RELL1: variants seen among roughly 807,000 people sequenced by gnomAD.
The protein encoded by RELL1 is RELT-like protein 1.
A neutral mutation model predicts 23.0 loss-of-function variants in RELL1; 10 were observed. That is an observed-to-expected ratio of 0.43 (90% CI 0.27 to 0.74). The LOEUF is 0.74. Ranked by LOEUF, RELL1 falls within the 30% of genes least tolerant of loss-of-function variation. The pLI is 0.19. For missense variants in RELL1, 315 were observed against 364.4 expected (o/e 0.86, Z 1.10); for synonymous variants, 146 against 146.8 (o/e 0.99, Z 0.04).
At chr4:37,604,887 A>G in intron 6 of RELL1, among the ~76,000 whole-genome samples, 1 of 85,154 alleles carries the variant, frequency 1.2e-5, no homozygotes, top group Non-Finnish European at 2.3e-5. Context: ...ACATACACAC[A>G]GACACACACA....
At chr4:37,660,674 G>A (rs1241450752) in intron 1 of RELL1, among the ~76,000 whole-genome samples, 2 of 152,188 alleles carry the variant, frequency 1.3e-5, no homozygotes, top group Non-Finnish European at 2.9e-5. Flanking sequence ...GTTTCCGACT[G>A]TCACAACTCT....
At chr4:37,630,381 T>TC (rs1327549080) in intron 6 of RELL1, among the ~76,000 whole-genome samples, 2 of 146,736 alleles carry the variant, frequency 1.4e-5, no homozygotes, top group African/African-American at 5.1e-5. Context: ...TTTTTTTTTT[T>TC]TGAGACCGAG....
chr4:37,670,239 A>G (rs962691243), intron 1 of RELL1, among the ~76,000 whole-genome samples: 2 of 151,870 alleles, frequency 1.3e-5, no homozygotes, highest in Admixed American at 1.3e-4. Flanking sequence ...AGTAACAGTC[A>G]ATGAGGAGCC....
At chr4:37,659,771 C>T (rs763882488) in intron 1 of RELL1, among the ~76,000 whole-genome samples, 10 of 152,060 alleles carry the variant, frequency 6.6e-5, no homozygotes, top group Non-Finnish European at 1.5e-4. Flanking sequence ...GATGAAGACA[C>T]GAGCCCATCC....
At chr4:37,649,233 A>T in intron 2 of RELL1, 43 bp downstream of exon 2, 1 of 1,483,532 alleles carries the variant, frequency 6.7e-7, no homozygotes, top group Non-Finnish European at 9.3e-7. Context: ...CATATTTAAA[A>T]ACTGTCTCCT....
chr4:37,646,948 C>T (rs1720729121), intron 3 of RELL1, among the ~76,000 whole-genome samples: 1 of 152,090 alleles, frequency 6.6e-6, no homozygotes, highest in Non-Finnish European at 1.5e-5. Flanking sequence ...TGGTCTTGAA[C>T]TCCTGGCCTC....
At chr4:37,670,979 G>A (rs1159046364) in intron 1 of RELL1, among the ~76,000 whole-genome samples, 1 of 152,114 alleles carries the variant, frequency 6.6e-6, no homozygotes, top group Non-Finnish European at 1.5e-5. Flanking sequence ...ATTATGAGTT[G>A]GTTTTTCCCA....
rs1245078277 is a variant in RELL1 at position 37,635,110 on chromosome 4, T to C, written c.457A>G (p.Ser153Gly). ...LYDPESPVTP[S>G]TPGSPPVSPG... ...CTCACTGGCGGGCTCCCTGGTGTGC[T>C]GGGGGTCACGGGGCTAATGTGGGGA... Residue 153 changes from serine (S) to glycine (G), a missense_variant, in exon 5 of 7, where the codon AGC (serine) becomes GGC (glycine). Transcript: ENST00000454158. 2.5e-6 allele frequency: 4 copies of C among 1,613,732 alleles called. No individual in the cohort carries two copies. Among genetic ancestry groups the C allele is most frequent in the Non-Finnish European group, 3.4e-6 (4 of 1,179,926 alleles).
intron 1 of RELL1, among the ~76,000 whole-genome samples, chr4:37,678,227 C>T (rs1037401071): frequency 9.9e-5 from 15 of 152,150 alleles, no homozygotes; most frequent in Admixed American, 7.2e-4. Flanking sequence ...CACTCACTAT[C>T]GTGAGGGCAG....
At position 37,612,331 on chromosome 4, in the gene RELL1, AAAAAAAAC is replaced by A. The variant is rs1166278535; in HGVS notation, c.*1007_*1014del. On this transcript the variant is annotated 3_prime_UTR_variant, in exon 7 of 7. Transcript: ENST00000454158. The stretch of plus-strand genomic sequence containing the variant: ...TCGCTCAGCTAAAGGTTAAAAAAAA[AAAAAAAAC>A]AAAAAAAAACAAAAAACCGGGTGCA... Among the ~76,000 whole-genome samples the A allele has an allele frequency of 2.5e-4, 6 of 24,198 alleles. No homozygotes were observed. The highest frequency in any genetic ancestry group is 3.6e-4 in the African/African-American group (5 of 13,700). The allele number at this position is 24,198 out of a possible 152,430, so 15.9% of individuals were successfully genotyped here.
chr4:37,669,763 T>C (rs1053194590), intron 1 of RELL1, among the ~76,000 whole-genome samples: 6 of 152,222 alleles, frequency 3.9e-5, no homozygotes, highest in Non-Finnish European at 5.9e-5. Context: ...CTCTGCAACA[T>C]GTGCTGTGTC....
chr4:37,600,780 C>CGTGTGCGTGT (rs1718994993), intron 6 of RELL1, among the ~76,000 whole-genome samples: 1 of 147,568 alleles, frequency 6.8e-6, no homozygotes, highest in African/African-American at 2.5e-5. Flanking sequence ...TGGATTTGTG[C>CGTGTGCGTGT]GTGTGTGTGT....
At chr4:37,668,413 T>C (rs1442360496) in intron 1 of RELL1, among the ~76,000 whole-genome samples, 6 of 152,178 alleles carry the variant, frequency 3.9e-5, no homozygotes, top group Non-Finnish European at 8.8e-5. Context: ...AGACGGGGTT[T>C]CGCTGTGTTG....
chr4:37,669,651 G>A (rs1176922062), intron 1 of RELL1, among the ~76,000 whole-genome samples: 11 of 152,210 alleles, frequency 7.2e-5, no homozygotes, highest in African/African-American at 4.8e-5. Context: ...TGTAGAAAGA[G>A]GTAGACATGG....
chr4:37,624,224 G>A (rs1719863228), intron 6 of RELL1, among the ~76,000 whole-genome samples: 2 of 152,184 alleles, frequency 1.3e-5, no homozygotes, highest in South Asian at 4.1e-4. Context: ...TTGACAAAGA[G>A]GAGACTTTTA....
chr4:37,679,972 C>T lies in RELL1; in HGVS notation c.88+6228G>A, dbSNP rs116158141. On this transcript the variant is annotated intron_variant, in intron 1 of 6. Coordinates refer to ENST00000454158, the MANE Select transcript of RELL1 (RefSeq NM_001085400.2). The stretch of plus-strand genomic sequence containing the variant: ...ATCTCAAAAAAAAAATTAAAAACCT[C>T]ACATTAGTTCAAGTTAAGTTTTACA... Among the ~76,000 whole-genome samples, 451 of 152,120 alleles carry T rather than the reference C, an allele frequency of 3.0e-3. 3 individuals carry two copies. The highest frequency in any genetic ancestry group is 0.01 in the African/African-American group (428 of 41,510).
intron 3 of RELL1, among the ~76,000 whole-genome samples, chr4:37,643,523 A>T (rs1393726814): frequency 6.6e-6 from 1 of 152,204 alleles, no homozygotes; most frequent in Non-Finnish European, 1.5e-5. Flanking sequence ...CACACGTGGG[A>T]AAAGGGTAAT....
At chr4:37,604,013 G>A (rs1719085453) in intron 6 of RELL1, among the ~76,000 whole-genome samples, 1 of 152,128 alleles carries the variant, frequency 6.6e-6, no homozygotes, top group Admixed American at 6.5e-5. Flanking sequence ...AAAGAGTCAG[G>A]GTTTTTTCAC....
At chr4:37,683,689 T>G (rs1188676185) in intron 1 of RELL1, among the ~76,000 whole-genome samples, 1 of 131,266 alleles carries the variant, frequency 7.6e-6, no homozygotes, top group South Asian at 2.5e-4. Context: ...GCCTGGGAGG[T>G]GGAGGTTGTA....
Sources: gnomAD v4.1 joint callset for allele counts (sites outside exome capture counted in the v4.1 genomes callset) on GRCh38, gnomAD v4.1.1 for gene constraint, MANE v1.5 for transcripts, NCBI Gene and HGNC (gene_info 2026-07-23, HGNC 2026-07-21) for gene names.